The following ADAT1 variants were observed in gnomAD, a reference collection of about 807,000 sequenced individuals.
ADAT1 encodes tRNA-specific adenosine deaminase 1.
In ADAT1, 58 loss-of-function variants were observed where a neutral mutation model predicts 58.6. That is an observed-to-expected ratio of 0.99 (90% confidence interval 0.80 to 1.23). The LOEUF is 1.23. Ranked by LOEUF, ADAT1 falls within the 50% of genes most tolerant of loss-of-function variation. The pLI, the probability that ADAT1 is intolerant of heterozygous loss-of-function variation, is 0.00. For missense variants in ADAT1, 741 were observed against 608.6 expected (o/e 1.22, Z -2.29); for synonymous variants, 254 against 220.8 (o/e 1.15, Z -1.33).
chr16:75,607,159 T>C (rs1453760934), intron 8 of ADAT1, among the ~76,000 whole-genome samples: 1 of 151,950 alleles, frequency 6.6e-6, no homozygotes, highest in African/African-American at 2.4e-5. Context: ...AATAAGTACA[T>C]AAAAAGATGC....
chr16:75,599,657 A>C lies in ADAT1; in HGVS notation c.*559T>G, dbSNP rs1421868941. 1.0e-6 allele frequency: 1 copy of C among 985,912 alleles called. No individual in the cohort carries two copies. The highest frequency in any genetic ancestry group is 6.1e-5 in the Admixed American group (1 of 16,264). The allele number at this position is 985,912 out of a possible 1,614,324, so 61.1% of individuals were successfully genotyped here. ...GAAAGCCTTTCCTGATACCTCTGAG[A>C]ACAAGTCCAGGGCAGTCCAGGGCTG... On this transcript the variant is annotated 3_prime_UTR_variant, in exon 10 of 10. Transcript: ENST00000564657.
At chr16:75,617,803 C>CA (rs2081783562) in intron 4 of ADAT1, among the ~76,000 whole-genome samples, 1 of 151,428 alleles carries the variant, frequency 6.6e-6, no homozygotes, top group Non-Finnish European at 1.5e-5. Context: ...ACCACTAGTC[C>CA]AGGCCAGGAT....
chr16:75,612,757 G>A lies in ADAT1; in HGVS notation c.529C>T (p.Leu177=). ...TTTCTTTCATTTCCAGGAGCTTCCA[G>A]GTTACTACTGGCTTCTACTGATGAG... ...HNSSVEASSN[L]EAPGNERKCE... is the part of the protein sequence containing the mutation. Residue 177 remains leucine (L), a synonymous_variant, in exon 6 of 10, where the codon CTG becomes TTG. Transcript: ENST00000564657. 1 of 1,614,112 alleles carries A rather than the reference G, an allele frequency of 6.2e-7. No homozygotes were observed. Among genetic ancestry groups the A allele is most frequent in the Non-Finnish European group, 8.5e-7 (1 of 1,180,034 alleles).
In ADAT1 at chr16:75,597,556, G is replaced by A. The variant is rs2081104208; in HGVS notation, c.*2660C>T. On this transcript the variant is annotated 3_prime_UTR_variant, in exon 10 of 10. Coordinates refer to ENST00000564657, the MANE Select transcript of ADAT1 (RefSeq NM_001324445.2). ...GGGGATAGGGGGATAGTTTCGGGAT[G>A]ACTGAAGTGAATTACATTTACTGTG... Among the ~76,000 whole-genome samples, 1 of 152,172 alleles carries A rather than the reference G, an allele frequency of 6.6e-6. No individual in the cohort carries two copies. The highest frequency in any genetic ancestry group is 2.4e-5 in the African/African-American group (1 of 41,436).
chr16:75,613,776 G>A (rs1401605130), intron 5 of ADAT1, among the ~76,000 whole-genome samples: 1 of 152,184 alleles, frequency 6.6e-6, no homozygotes, highest in African/African-American at 2.4e-5. Flanking sequence ...GTCTCCTGGG[G>A]AGCAAAACTT....
intron 4 of ADAT1, among the ~76,000 whole-genome samples, chr16:75,618,098 C>CAAAAAAAAAAAAAA (rs1163510620): frequency 1.5e-4 from 5 of 32,542 alleles, no homozygotes; most frequent in African/African-American, 4.3e-4. Context: ...ACCCTGTGTC[C>CAAAAAAAAAAAAAA]AAAAAAAAAA....
In ADAT1 at chr16:75,599,230, C is replaced by T. The variant is rs981773197; in HGVS notation, c.*986G>A. On this transcript the variant is annotated 3_prime_UTR_variant, in exon 10 of 10. Coordinates refer to ENST00000564657, the MANE Select transcript of ADAT1 (RefSeq NM_001324445.2). ...CCGAGTAGCTAGGATTACAGGTGTG[C>T]GCCACCATGCCCGGCTAGTTTTTGC... 7.8e-5 allele frequency: 62 copies of T among 792,462 alleles called. No homozygotes were observed. The highest frequency in any genetic ancestry group is 7.2e-4 in the African/African-American group (38 of 52,710). 49.1% of individuals were successfully genotyped at this position (792,462 alleles called of 1,614,324 possible).
chr16:75,615,553 AAGAATTT>A (rs1466497386), intron 5 of ADAT1, among the ~76,000 whole-genome samples: 1 of 142,818 alleles, frequency 7.0e-6, no homozygotes, highest in Admixed American at 7.0e-5. Context: ...AAGAAAGTTT[AAGAATTT>A]GTCTTGGGCC....
chr16:75,620,450 T>C, intron 2 of ADAT1, 116 bp from the exon 3 acceptor site: 1 of 1,430,080 alleles, frequency 7.0e-7, no homozygotes, highest in South Asian at 1.2e-5. Flanking sequence ...TCAACCAAGG[T>C]CTGCGGTTCC....
intron 8 of ADAT1, among the ~76,000 whole-genome samples, chr16:75,608,015 T>C (rs115418689): frequency 0.017 from 2,603 of 152,276 alleles, 72 homozygotes; most frequent in African/African-American, 0.059. Flanking sequence ...ATTCCAATGA[T>C]AGAAAATGTC....
intron 9 of ADAT1, 102 bp from the exon 10 acceptor site, chr16:75,600,450 C>G: frequency 1.3e-6 from 2 of 1,516,458 alleles, no homozygotes; most frequent in Non-Finnish European, 1.8e-6. Flanking sequence ...TGTAATGAGA[C>G]TTAGGTAGAG....
intron 6 of ADAT1, 129 bp from the exon 7 acceptor site, chr16:75,609,117 A>G: frequency 9.2e-7 from 1 of 1,092,212 alleles, no homozygotes; most frequent in Non-Finnish European, 1.3e-6. Context: ...TTGGGCAGAC[A>G]GTGTTTCAGA....
chr16:75,604,514 CACACAT>C (rs199904011), intron 8 of ADAT1, among the ~76,000 whole-genome samples: 230 of 125,750 alleles, frequency 1.8e-3, no homozygotes, highest in African/African-American at 5.7e-3. Flanking sequence ...CACACACACA[CACACAT>C]ATATACATAT....
chr16:75,622,661 G>C lies in ADAT1; in HGVS notation c.-280C>G, dbSNP rs1040880526. ...CTACACTGGGTCCATTATAATTCGAGCCTACACCCCCTCCTAGATCTTGAA... is the reference window on the plus strand; with the variant it reads ...CTACACTGGGTCCATTATAATTCGACCCTACACCCCCTCCTAGATCTTGAA... On this transcript the variant is annotated 5_prime_UTR_variant, in exon 1 of 10. Coordinates refer to ENST00000564657, the MANE Select transcript of ADAT1 (RefSeq NM_001324445.2). 3 of 151,508 alleles carry C rather than the reference G, an allele frequency of 2.0e-5. No homozygotes were observed. Among genetic ancestry groups the C allele is most frequent in the African/African-American group, 7.3e-5 (3 of 41,192 alleles). 9.4% of individuals were successfully genotyped at this position (151,508 alleles called of 1,614,324 possible). A position where few individuals can be genotyped will look rare whatever the true frequency, so the allele number is the denominator to read the frequency against.
rs1227421725 is a variant in ADAT1, at chr16:75,610,016, T to G, written c.1044-1028A>C. ...ACAGCACCTAGCCTGTGGTAACTAC[T>G]AAGCTATTATCTGTCTTTATGGATT... On this transcript the variant is annotated intron_variant, in intron 6 of 9. Coordinates refer to ENST00000564657, the MANE Select transcript of ADAT1 (RefSeq NM_001324445.2). Among the ~76,000 whole-genome samples, 3 of 152,340 alleles carry G rather than the reference T, an allele frequency of 2.0e-5. No individual in the cohort carries two copies. The South Asian group carries it at 6.2e-4, about 32-fold the overall frequency.
rs1475097959 is a variant in ADAT1, at chr16:75,598,286, G to C, written c.*1930C>G. On this transcript the variant is annotated 3_prime_UTR_variant, in exon 10 of 10. Coordinates refer to ENST00000564657, the MANE Select transcript of ADAT1 (RefSeq NM_001324445.2). The stretch of plus-strand genomic sequence containing the variant: ...GAAAGGGGCTTCACCATGTTGGCCA[G>C]GATGGTCTTGATCTCCTGACGTCGT... 6.0e-6 allele frequency: 2 copies of C among 335,456 alleles called. No homozygotes were observed. The highest frequency in any genetic ancestry group is 2.1e-5 in the South Asian group (1 of 46,682). 20.8% of individuals were successfully genotyped at this position (335,456 alleles called of 1,614,324 possible).
intron 9 of ADAT1, among the ~76,000 whole-genome samples, chr16:75,601,585 C>T (rs1425758389): frequency 3.3e-5 from 5 of 151,904 alleles, no homozygotes; most frequent in African/African-American, 7.3e-5. Context: ...GGTGAAACCC[C>T]GTCCCTACTA....
At chr16:75,617,298 A>G in intron 4 of ADAT1, 26 bp from the exon 5 acceptor site, 1 of 1,604,302 alleles carries the variant, frequency 6.2e-7, no homozygotes, top group South Asian at 1.1e-5. Context: ...TGTTATTAGG[A>G]TGAACAACCG....
At chr16:75,616,498 A>T (rs1487432660) in intron 5 of ADAT1, among the ~76,000 whole-genome samples, 1 of 152,210 alleles carries the variant, frequency 6.6e-6, no homozygotes, top group Non-Finnish European at 1.5e-5. Context: ...TTTTGCTGCC[A>T]TCCTGAGTTG....
Sources: gnomAD v4.1 joint callset for allele counts (sites outside exome capture counted in the v4.1 genomes callset) on GRCh38, gnomAD v4.1.1 for gene constraint, MANE v1.5 for transcripts, NCBI Gene and HGNC (gene_info 2026-07-23, HGNC 2026-07-21) for gene names.